The following TGFBR2 variants were observed in gnomAD, a reference collection of about 807,000 sequenced individuals.
The protein encoded by TGFBR2 is TGF-beta receptor type-2.
Under a neutral mutation model 49.0 loss-of-function variants are expected in TGFBR2, and 18 were observed. The ratio of observed to expected loss-of-function variants is 0.37; its 90% CI spans 0.25 to 0.54. TGFBR2 has a LOEUF of 0.54. TGFBR2 is among the 20% of genes least tolerant of loss of function. The probability of loss-of-function intolerance (pLI) is 0.85; values close to 1 mark genes in which losing one functional copy is unlikely to be tolerated. For missense variants in TGFBR2, 525 were observed against 722.6 expected (o/e 0.73, Z 3.13); for synonymous variants, 282 against 275.9 (o/e 1.02, Z -0.22).
chr3:30,657,443 G>A (rs1335908805), intron 3 of TGFBR2, among the ~76,000 whole-genome samples: 1 of 152,160 alleles, frequency 6.6e-6, no homozygotes, highest in African/African-American at 2.4e-5. Flanking sequence ...CTGAGAGCAT[G>A]GCTTCCCTGC....
chr3:30,632,429 C>G (rs764284609), intron 1 of TGFBR2, among the ~76,000 whole-genome samples: 15 of 152,174 alleles, frequency 9.9e-5, no homozygotes, highest in Non-Finnish European at 1.9e-4. Context: ...GGTTCTAGAT[C>G]CTAAACACTC....
At position 30,691,592 on chromosome 3, in the gene TGFBR2, C is replaced by A. The variant is rs979710806; in HGVS notation, c.1697C>A (p.Thr566Asn). The A allele has an allele frequency of 6.2e-7, 1 of 1,614,066 alleles. No individual in the cohort carries two copies. Among genetic ancestry groups the A allele is most frequent in the Admixed American group, 1.7e-5 (1 of 60,022 alleles). Residue 566 changes from threonine (T) to asparagine (N), a missense_variant, in exon 7 of 7, where the codon ACC becomes AAC. Thr to Asn is a moderately conservative substitution (Grantham distance 65). Around this residue, in one of 3 missense-constraint regions of TGFBR2, gnomAD observed 104 missense variants for 133.4 expected, o/e 0.78. Coordinates refer to ENST00000295754, the MANE Select transcript of TGFBR2 (RefSeq NM_003242.6). ...KIPEDGSLNTTK is the reference protein window; with the variant it reads ...KIPEDGSLNTNK ...CCTGAAGACGGCTCCCTAAACACTACCAAATAGCTCTTCTGGGGCAGGCTG... is the reference window on the plus strand; with the variant it reads ...CCTGAAGACGGCTCCCTAAACACTAACAAATAGCTCTTCTGGGGCAGGCTG...
chr3:30,678,418 G>A (rs1699478128), intron 5 of TGFBR2, among the ~76,000 whole-genome samples: 1 of 152,016 alleles, frequency 6.6e-6, no homozygotes, highest in African/African-American at 2.4e-5. Flanking sequence ...CGTGGCAGCA[G>A]GCGCCTGTAG....
intron 2 of TGFBR2, among the ~76,000 whole-genome samples, chr3:30,648,460 A>ACACACACACACACACC (rs1553627538): frequency 0.036 from 5,063 of 142,358 alleles, 218 homozygotes; most frequent in South Asian, 0.064. Flanking sequence ...ACACACACAC[A>ACACACACACACACACC]CAAAACTGTG....
At chr3:30,607,057 C>G (rs1697936336) in intron 1 of TGFBR2, 80 bp downstream of exon 1, 6 of 1,282,622 alleles carry the variant, frequency 4.7e-6, no homozygotes, top group South Asian at 1.3e-5. Context: ...GCTTGACAGT[C>G]GGGCCCGGCA....
intron 3 of TGFBR2, among the ~76,000 whole-genome samples, chr3:30,651,351 C>T (rs936388273): frequency 2.6e-5 from 4 of 152,160 alleles, no homozygotes; most frequent in African/African-American, 9.7e-5. Context: ...TTATCTCCCA[C>T]TCCATCCTCT....
At chr3:30,684,258 G>T (rs1178205776) in intron 5 of TGFBR2, among the ~76,000 whole-genome samples, 2 of 151,592 alleles carry the variant, frequency 1.3e-5, no homozygotes, top group African/African-American at 2.4e-5. Context: ...ACATTGCAGG[G>T]CATGAGAAAA....
intron 1 of TGFBR2, among the ~76,000 whole-genome samples, chr3:30,608,386 A>C (rs1697972283): frequency 6.6e-6 from 1 of 152,240 alleles, no homozygotes; most frequent in South Asian, 2.1e-4. Flanking sequence ...GTAATTTTAC[A>C]TCATCTTCAT....
chr3:30,633,012 T>A (rs181526321), intron 1 of TGFBR2, among the ~76,000 whole-genome samples: 46 of 152,328 alleles, frequency 3.0e-4, no homozygotes, highest in Non-Finnish European at 5.7e-4. Flanking sequence ...TTTCTTCAAC[T>A]CCTAGTAGTC....
intron 2 of TGFBR2, among the ~76,000 whole-genome samples, chr3:30,645,885 A>G (rs561263445): frequency 6.6e-6 from 1 of 152,068 alleles, no homozygotes; most frequent in African/African-American, 2.4e-5. Context: ...ATAATTATAC[A>G]TACACAGTGG....
chr3:30,619,915 T>C (rs1055570853), intron 1 of TGFBR2, among the ~76,000 whole-genome samples: 3 of 151,592 alleles, frequency 2.0e-5, no homozygotes, highest in Admixed American at 6.6e-5. Context: ...TAGCCAGGCG[T>C]GGTGGCTTAT....
intron 5 of TGFBR2, among the ~76,000 whole-genome samples, chr3:30,682,454 T>A (rs1001240961): frequency 6.6e-6 from 1 of 152,218 alleles, no homozygotes; most frequent in Non-Finnish European, 1.5e-5. Context: ...TGGTTCTTGT[T>A]ATAGGTTAGC....
rs887456779 is a variant in TGFBR2 at position 30,633,502 on chromosome 3, A to G, written c.95-11245A>G. Among the ~76,000 whole-genome samples, 3 of 152,242 alleles carry G rather than the reference A, an allele frequency of 2.0e-5. No homozygotes were observed. In the South Asian group the frequency reaches 6.2e-4, roughly 31 times the overall value. ...TGCATTCTAGTTAAACCCTAATATTAGAAGAGAGAATTGAATGTGCAGGTG... is the reference window on the plus strand; with the variant it reads ...TGCATTCTAGTTAAACCCTAATATTGGAAGAGAGAATTGAATGTGCAGGTG... On this transcript the variant is annotated intron_variant, in intron 1 of 6. Transcript: ENST00000295754.
At chr3:30,611,362 A>G (rs544999652) in intron 1 of TGFBR2, among the ~76,000 whole-genome samples, 6 of 152,370 alleles carry the variant, frequency 3.9e-5, no homozygotes, top group East Asian at 1.9e-4. Context: ...TCTGATCACA[A>G]TAAGTAATTT....
At chr3:30,612,942 G>A (rs1698056211) in intron 1 of TGFBR2, among the ~76,000 whole-genome samples, 1 of 152,136 alleles carries the variant, frequency 6.6e-6, no homozygotes, top group South Asian at 2.1e-4. Flanking sequence ...CACCCAACAA[G>A]TAGCAACTAT....
rs2125457107 is a variant in TGFBR2 at position 30,692,672 on chromosome 3, T to G, written c.*1073T>G. The G allele has an allele frequency of 1.3e-5, 3 of 233,292 alleles. No individual in the cohort carries two copies. The East Asian group carries it at 1.8e-4, about 14-fold the overall frequency. 14.5% of individuals were successfully genotyped at this position (233,292 alleles called of 1,614,324 possible). On this transcript the variant is annotated 3_prime_UTR_variant, in exon 7 of 7. Coordinates refer to ENST00000295754, the MANE Select transcript of TGFBR2 (RefSeq NM_003242.6). ...GGTTCCATCTTTCTGGGCTCCTGAT[T>G]GCTCAAGCACAGTTTGGCCTGATGA... is the stretch of plus-strand genomic sequence containing the variant.
At chr3:30,691,004 T>A (rs914157011) in intron 6 of TGFBR2, among the ~76,000 whole-genome samples, 2 of 152,168 alleles carry the variant, frequency 1.3e-5, no homozygotes, top group African/African-American at 4.8e-5. Context: ...TTGTGAAAAC[T>A]CTCTGTACTT....
intron 3 of TGFBR2, among the ~76,000 whole-genome samples, chr3:30,669,433 C>G (rs370224050): frequency 2.0e-5 from 3 of 152,052 alleles, no homozygotes; most frequent in African/African-American, 7.2e-5. Flanking sequence ...AAACAATTCT[C>G]TCTGTAGAGA....
At chr3:30,640,906 T>C (rs1187036678) in intron 1 of TGFBR2, among the ~76,000 whole-genome samples, 1 of 152,242 alleles carries the variant, frequency 6.6e-6, no homozygotes, top group Non-Finnish European at 1.5e-5. Context: ...ATGCACTTAC[T>C]TTCCTTCCCA....
Sources: gnomAD v4.1 joint callset for allele counts (sites outside exome capture counted in the v4.1 genomes callset) on GRCh38, gnomAD v4.1.1 for gene constraint, gnomAD v4.1.1 regional missense constraint, MANE v1.5 for transcripts, NCBI Gene and HGNC (gene_info 2026-07-23, HGNC 2026-07-21) for gene names.